Variants in STAT1 observed in about 807,000 individuals in gnomAD.
STAT1 encodes the protein signal transducer and activator of transcription 1, also known as signal transducer and activator of transcription 1-alpha/beta.
STAT1 carries 24 observed loss-of-function variants against 111.7 expected under a neutral mutation model. The ratio of observed to expected loss-of-function variants is 0.21; its 90% confidence interval spans 0.16 to 0.30. The LOEUF is 0.30. STAT1 is among the 10% of genes least tolerant of loss of function. STAT1 has a pLI of 1.00. For synonymous variants in STAT1, 332 were observed against 326.5 expected (o/e 1.02, Z -0.18); for missense variants, 351 against 911.9 (o/e 0.38, Z 7.92).
At chr2:190,994,708 T>C (rs1028063205) in intron 10 of STAT1, among the ~76,000 whole-genome samples, 6 of 151,398 alleles carry the variant, frequency 4.0e-5, no homozygotes, top group African/African-American at 1.5e-4. Flanking sequence ...ATCACCTGAG[T>C]TCAGGAGTTG....
At position 190,993,916 on chromosome 2, in the gene STAT1, G is replaced by A. The variant is rs1693600855; in HGVS notation, c.944+1145C>T. ...CGCTAGGTCCTGCTGGGGGAAAAGG[G>A]TGACAAAGGCATGTCTCTGCCTTCC... On this transcript the variant is annotated intron_variant, in intron 10 of 24. Transcript: ENST00000361099. The surrounding 1 kb of genome is among the most constrained non-coding windows in gnomAD (Gnocchi z 4.1). Among the ~76,000 whole-genome samples the A allele has an allele frequency of 1.3e-5, 2 of 152,164 alleles. No homozygotes were observed. The highest frequency in any genetic ancestry group is 2.9e-5 in the Non-Finnish European group (2 of 68,038).
In STAT1 at chr2:190,997,707, T is replaced by C; in HGVS notation, c.785+149A>G. ...AATAACACTGTGCTTTCCAAGGGAG[T>C]GTTTCCAGGGTAAGCAGAAGCTGGA... On this transcript the variant is annotated intron_variant, in intron 9 of 24. Coordinates refer to ENST00000361099, the MANE Select transcript of STAT1 (RefSeq NM_007315.4). The surrounding 1 kb of genome is among the most constrained non-coding windows in gnomAD (Gnocchi z 7.3). 2 of 1,240,572 alleles carry C rather than the reference T, an allele frequency of 1.6e-6. No homozygotes were observed. Among genetic ancestry groups the C allele is most frequent in the Non-Finnish European group, 2.3e-6 (2 of 877,460 alleles). 76.8% of individuals were successfully genotyped at this position (1,240,572 alleles called of 1,614,324 possible).
chr2:191,009,469 A>C (rs529299455), intron 3 of STAT1, among the ~76,000 whole-genome samples: 2 of 152,338 alleles, frequency 1.3e-5, no homozygotes, highest in East Asian at 3.9e-4. Flanking sequence ...CAGTTAAAAA[A>C]AATCCCCTTA....
At position 190,993,395 on chromosome 2, in the gene STAT1, T is replaced by C. The variant is rs116073692; in HGVS notation, c.944+1666A>G. The stretch of plus-strand genomic sequence containing the variant: ...GTTCCATATTTGAAGCTTGATTGTT[T>C]TCCCGTCTAACTCTATAGTTCTTAT... On this transcript the variant is annotated intron_variant, in intron 10 of 24. Transcript: ENST00000361099. This position sits in a 1 kb window ranked among gnomAD's most constrained non-coding sequence, Gnocchi z 4.1. 3,824 of 1,377,466 alleles carry C rather than the reference T, an allele frequency of 2.8e-3. 89 individuals carry two copies. The African/African-American group carries it at 0.046, about 17-fold the overall frequency. 85.3% of individuals were successfully genotyped at this position (1,377,466 alleles called of 1,614,324 possible).
Position 190,993,360 on chromosome 2 carries a change from G to C in STAT1, c.944+1701C>G. On this transcript the variant is annotated intron_variant, in intron 10 of 24. Coordinates refer to ENST00000361099, the MANE Select transcript of STAT1 (RefSeq NM_007315.4). This position sits in a 1 kb window ranked among gnomAD's most constrained non-coding sequence, Gnocchi z 4.1. ...GAGATGACTGTTCGAAACCTTTCCTGTTCTGCTGTGTTCCATATTTGAAGC... is the reference window on the plus strand; with the variant it reads ...GAGATGACTGTTCGAAACCTTTCCTCTTCTGCTGTGTTCCATATTTGAAGC... The C allele has an allele frequency of 1.0e-5, 11 of 1,098,576 alleles. No homozygotes were observed. The South Asian group carries it at 1.5e-4, about 15-fold the overall frequency. 68.1% of individuals were successfully genotyped at this position (1,098,576 alleles called of 1,614,324 possible).
chr2:190,986,919 G>A lies in STAT1; in HGVS notation c.1156C>T (p.His386Tyr), dbSNP rs1387308488. ...GFRKFNILGTHTKVMNMEEST... is the reference protein window; with the variant it reads ...GFRKFNILGTYTKVMNMEEST... ...TCCTCCATGTTCATCACTTTTGTGT[G>A]CGTGCCCAAAATGTTGAACTTCCTA... The change falls in exon 14 of 25, where the codon CAC (histidine) becomes TAC (tyrosine). Residue 386 changes from histidine (H) to tyrosine (Y), a missense_variant. Transcript: ENST00000361099. The surrounding 1 kb of genome is among the most constrained non-coding windows in gnomAD (Gnocchi z 5.0). 2 of 1,614,230 alleles carry A rather than the reference G, an allele frequency of 1.2e-6. No individual in the cohort carries two copies. Among genetic ancestry groups the A allele is most frequent in the East Asian group, 2.2e-5 (1 of 44,884 alleles).
At position 190,970,337 on chromosome 2, in the gene STAT1, A is replaced by G. The variant is rs1300275650; in HGVS notation, c.*366T>C. ...TAAATAACCACTGATTTATCCAACA[A>G]CCTATAACAGTTGGGCACTGACTTT... On this transcript the variant is annotated 3_prime_UTR_variant, in exon 25 of 25. Transcript: ENST00000361099. This position sits in a 1 kb window ranked among gnomAD's most constrained non-coding sequence, Gnocchi z 5.4. 1 of 351,234 alleles carries G rather than the reference A, an allele frequency of 2.8e-6. No homozygotes were observed. The highest frequency in any genetic ancestry group is 4.0e-5 in the Admixed American group (1 of 25,256). The allele number at this position is 351,234 out of a possible 1,614,324, so 21.8% of individuals were successfully genotyped here.
Position 191,009,856 on chromosome 2 carries a change from G to A in STAT1, c.128+20C>T, listed in dbSNP as rs776206028. 12 of 1,613,190 alleles carry A rather than the reference G, an allele frequency of 7.4e-6. No individual in the cohort carries two copies. Among genetic ancestry groups the A allele is most frequent in the Non-Finnish European group, 1.0e-5 (12 of 1,179,504 alleles). ...TTTTAAGGTGTAAACTTCTTCTTCTGTCTAGTGAATTTTCCTTACCAGTCT... is the reference window on the plus strand; with the variant it reads ...TTTTAAGGTGTAAACTTCTTCTTCTATCTAGTGAATTTTCCTTACCAGTCT... On this transcript the variant is annotated intron_variant, in intron 3 of 24. Transcript: ENST00000361099.
rs1249330791 is a variant in STAT1, at chr2:190,998,161, C to T, written c.633+56G>A. The T allele has an allele frequency of 6.4e-7, 1 of 1,571,992 alleles. No homozygotes were observed. Among genetic ancestry groups the T allele is most frequent in the South Asian group, 1.1e-5 (1 of 90,034 alleles). On this transcript the variant is annotated intron_variant, in intron 8 of 24. Coordinates refer to ENST00000361099, the MANE Select transcript of STAT1 (RefSeq NM_007315.4). The surrounding 1 kb of genome is among the most constrained non-coding windows in gnomAD (Gnocchi z 4.1). ...TTTCCTCTCTTCTAAACTTTGAGTC[C>T]ATTATTTACAGTGTATAACAAAAGT...
At chr2:190,994,300 G>C (rs1243727121) in intron 10 of STAT1, among the ~76,000 whole-genome samples, 1 of 152,136 alleles carries the variant, frequency 6.6e-6, no homozygotes. Context: ...GCAGAAGGGG[G>C]GCCGTGAATG....
Position 190,999,770 on chromosome 2 carries a change from G to T in STAT1, c.463-66C>A. 3.5e-6 allele frequency: 4 copies of T among 1,150,366 alleles called. No homozygotes were observed. Among genetic ancestry groups the T allele is most frequent in the Non-Finnish European group, 5.2e-6 (4 of 765,386 alleles). 71.3% of individuals were successfully genotyped at this position (1,150,366 alleles called of 1,614,324 possible). A position where few individuals can be genotyped will look rare whatever the true frequency, so the allele number is the denominator to read the frequency against. On this transcript the variant is annotated intron_variant, in intron 6 of 24. Coordinates refer to ENST00000361099, the MANE Select transcript of STAT1 (RefSeq NM_007315.4). The surrounding 1 kb of genome is among the most constrained non-coding windows in gnomAD (Gnocchi z 4.1). ...ACTTCCAAAGACTTTAGGCAACAGAGTATTGCTTCTATGGAACCCAGAGAA... is the reference window on the plus strand; with the variant it reads ...ACTTCCAAAGACTTTAGGCAACAGATTATTGCTTCTATGGAACCCAGAGAA...
Position 190,975,730 on chromosome 2 carries a change from T to C in STAT1, c.2135+82A>G. On this transcript the variant is annotated intron_variant, in intron 23 of 24. Transcript: ENST00000361099. The surrounding 1 kb of genome is among the most constrained non-coding windows in gnomAD (Gnocchi z 5.9). ...TAGCAATTACAATGGAAAAGTAAAATACAAGCATCTTCAACAGGCCCCAGC... is the reference window on the plus strand; with the variant it reads ...TAGCAATTACAATGGAAAAGTAAAACACAAGCATCTTCAACAGGCCCCAGC... The C allele has an allele frequency of 6.3e-7, 1 of 1,587,060 alleles. No individual in the cohort carries two copies. The highest frequency in any genetic ancestry group is 1.1e-5 in the South Asian group (1 of 88,178).
Position 190,997,942 on chromosome 2 carries a change from A to G in STAT1, c.699T>C (p.Asn233=). The change falls in exon 9 of 25, where the codon AAT becomes AAC. Residue 233 remains asparagine, a synonymous_variant. Transcript: ENST00000361099. The surrounding 1 kb of genome is among the most constrained non-coding windows in gnomAD (Gnocchi z 7.3). ...VTELTQNALI[N]DELVEWKRRQ... The stretch of plus-strand genomic sequence containing the variant: ...TCCGCTTCCACTCCACTAGTTCATC[A>G]TTAATCAGGGCATTCTGGGTAAGTT... 1 of 1,614,234 alleles carries G rather than the reference A, an allele frequency of 6.2e-7. No homozygotes were observed. The highest frequency in any genetic ancestry group is 1.3e-5 in the African/African-American group (1 of 75,058).
chr2:190,979,646 C>A lies in STAT1; in HGVS notation c.1727+126G>T. 1 of 767,402 alleles carries A rather than the reference C, an allele frequency of 1.3e-6. No individual in the cohort carries two copies. Among genetic ancestry groups the A allele is most frequent in the South Asian group, 1.4e-5 (1 of 69,186 alleles). 47.5% of individuals were successfully genotyped at this position (767,402 alleles called of 1,614,324 possible). A position where few individuals can be genotyped will look rare whatever the true frequency, so the allele number is the denominator to read the frequency against. ...CTCTTCTGAAGCCCTGAAGGGGCAG[C>A]CTATAAATGCGCACTCCTGTGAGAT... On this transcript the variant is annotated intron_variant, in intron 20 of 24. Transcript: ENST00000361099. This position sits in a 1 kb window ranked among gnomAD's most constrained non-coding sequence, Gnocchi z 5.8.
chr2:190,992,441 G>C (rs1026057087), intron 10 of STAT1, among the ~76,000 whole-genome samples: 121 of 152,130 alleles, frequency 8.0e-4, no homozygotes, highest in African/African-American at 2.4e-3. Flanking sequence ...AGACAGTTCT[G>C]AAAATGAAGT....
chr2:190,977,329 C>T lies in STAT1; in HGVS notation c.1874-304G>A, dbSNP rs764142052. Among the ~76,000 whole-genome samples, 1 of 152,202 alleles carries T rather than the reference C, an allele frequency of 6.6e-6. No individual in the cohort carries two copies. Among genetic ancestry groups the T allele is most frequent in the Non-Finnish European group, 1.5e-5 (1 of 68,038 alleles). On this transcript the variant is annotated intron_variant, in intron 21 of 24. Coordinates refer to ENST00000361099, the MANE Select transcript of STAT1 (RefSeq NM_007315.4). This position sits in a 1 kb window ranked among gnomAD's most constrained non-coding sequence, Gnocchi z 4.7. ...AAAAGCCTGCATCTTCAATGATGTG[C>T]TGCCCATAGGCACATAAATAACTTA... is the stretch of plus-strand genomic sequence containing the variant.
At position 191,004,223 on chromosome 2, in the gene STAT1, T is replaced by C. The variant is rs1694505609; in HGVS notation, c.373-3060A>G. Among the ~76,000 whole-genome samples, 6 of 152,204 alleles carry C rather than the reference T, an allele frequency of 3.9e-5. 1 individual carries two copies. Among genetic ancestry groups the C allele is most frequent in the Admixed American group, 2.0e-4 (3 of 15,286 alleles). On this transcript the variant is annotated intron_variant, in intron 5 of 24. Transcript: ENST00000361099. This position sits in a 1 kb window ranked among gnomAD's most constrained non-coding sequence, Gnocchi z 5.0. ...TTTAGTACTGATACCACTTTCACAGTGAGTCCTTAACTTTTTAACTTTCTA... is the reference window on the plus strand; with the variant it reads ...TTTAGTACTGATACCACTTTCACAGCGAGTCCTTAACTTTTTAACTTTCTA...
chr2:190,991,161 T>A (rs1693300354), intron 11 of STAT1, 67 bp downstream of exon 11: 2 of 1,513,534 alleles, frequency 1.3e-6, no homozygotes, highest in South Asian at 1.1e-5. Flanking sequence ...ACAGTTTTTA[T>A]AAAAGGAAAC....
intron 24 of STAT1, among the ~76,000 whole-genome samples, chr2:190,972,855 A>G (rs558753254): frequency 4.3e-5 from 5 of 116,722 alleles, no homozygotes; most frequent in African/African-American, 1.3e-4. Flanking sequence ...GTGTGTGTGA[A>G]ATGGATTTAT....
Sources: gnomAD v4.1 joint callset for allele counts (sites outside exome capture counted in the v4.1 genomes callset) on GRCh38, gnomAD v4.1.1 for gene constraint, Gnocchi (gnomAD v3.1) non-coding constraint, MANE v1.5 for transcripts, NCBI Gene and HGNC (gene_info 2026-07-23, HGNC 2026-07-21) for gene names.